The following UPF2 variants were observed in gnomAD, a reference collection of about 807,000 sequenced individuals.
UPF2 encodes the protein regulator of nonsense transcripts 2.
UPF2 carries 17 observed loss-of-function variants against 141.4 expected under a neutral mutation model. The observed-to-expected ratio is 0.12, with a 90% confidence interval of 0.08 to 0.18. UPF2 has a LOEUF of 0.18. Among genes scored for constraint, UPF2 ranks in the 10% least tolerant of loss-of-function variants. The pLI, the probability that UPF2 is intolerant of heterozygous loss-of-function variation, is 1.00. For missense variants in UPF2, 1,152 were observed against 1,515.9 expected, an observed-to-expected ratio of 0.76 and a Z score of 3.99; for synonymous variants, 540 against 498.0, an observed-to-expected ratio of 1.08 and a Z score of -1.12.
intron 8 of UPF2, among the ~76,000 whole-genome samples, chr10:11,981,485 C>A (rs1833592807): frequency 6.6e-6 from 1 of 151,996 alleles, no homozygotes; most frequent in South Asian, 2.1e-4. Context: ...TTAAAATAAA[C>A]CATATCTTTC....
At chr10:11,944,060 G>A (rs1262154769) in intron 16 of UPF2, among the ~76,000 whole-genome samples, 5 of 151,248 alleles carry the variant, frequency 3.3e-5, no homozygotes, top group African/African-American at 1.2e-4. Context: ...CTCTCACTGT[G>A]CCATGATGGC....
At position 12,019,368 on chromosome 10, in the gene UPF2, AC is replaced by A. The variant is rs1486541563; in HGVS notation, c.1146-5185del. 6.6e-6 allele frequency among the ~76,000 whole-genome samples: 1 copy of A among 152,256 alleles called. No individual in the cohort carries two copies. The highest frequency in any genetic ancestry group is 1.5e-5 in the Non-Finnish European group (1 of 68,040). On this transcript the variant is annotated intron_variant, in intron 3 of 21. Transcript: ENST00000357604. The surrounding 1 kb of genome is among the most constrained non-coding windows in gnomAD (Gnocchi z 4.5). ...ATTTTCATGCTTCCCAAAACATTCT[AC>A]TTTTGACTATTTTTCAACCATTTAA...
rs570630118 is a variant in UPF2, at chr10:12,016,422, G to A, written c.1146-2238C>T. On this transcript the variant is annotated intron_variant, in intron 3 of 21. Coordinates refer to ENST00000357604, the MANE Select transcript of UPF2 (RefSeq NM_015542.4). This position sits in a 1 kb window ranked among gnomAD's most constrained non-coding sequence, Gnocchi z 4.1. The stretch of plus-strand genomic sequence containing the variant: ...CAGAAGTAGGTTACTTAGGCTGGGC[G>A]CGGTGGCTCACGCCTGTAATCCCAG... Among the ~76,000 whole-genome samples, 29 of 151,970 alleles carry A rather than the reference G, an allele frequency of 1.9e-4. No homozygotes were observed. The highest frequency in any genetic ancestry group is 6.3e-4 in the African/African-American group (26 of 41,484).
At chr10:12,006,987 A>G (rs1408789500) in intron 4 of UPF2, among the ~76,000 whole-genome samples, 4 of 152,148 alleles carry the variant, frequency 2.6e-5, no homozygotes, top group Admixed American at 6.5e-5. Context: ...CCAGACACCA[A>G]CTTGGCTGGC....
chr10:11,930,022 T>G (rs556036322), intron 20 of UPF2, 37 bp from the exon 21 acceptor site: 2 of 1,613,782 alleles, frequency 1.2e-6, no homozygotes, highest in African/African-American at 2.7e-5. Flanking sequence ...TGCTGTTAAC[T>G]CTTAGAAATG....
At position 11,942,714 on chromosome 10, in the gene UPF2, T is replaced by C; in HGVS notation, c.3329A>G (p.Asp1110Gly). Residue 1110 changes from aspartate (D) to glycine (G), a missense_variant, in exon 18 of 22, where the codon GAT (aspartate) becomes GGT (glycine). Physicochemically the swap from Asp to Gly is moderately conservative, Grantham distance 94 (BLOSUM62 -1). This residue lies in a region of UPF2 where 202 missense variants were observed against 223.6 expected (regional missense o/e 0.90). Coordinates refer to ENST00000357604, the MANE Select transcript of UPF2 (RefSeq NM_015542.4). ...ATCCAGAGCTTGAATGAAGTCCTCA[T>C]CTTCTACACAAGGTACATGCTTAAG... ...GGLKHVPCVE[D>G]EDFIQALDKM... 6.2e-7 allele frequency: 1 copy of C among 1,614,062 alleles called. No homozygotes were observed. Among genetic ancestry groups the C allele is most frequent in the Non-Finnish European group, 8.5e-7 (1 of 1,179,982 alleles).
rs1165805123 is a variant in UPF2 at position 12,015,947 on chromosome 10, C to T, written c.1146-1763G>A. ...GTTGAAATAGTTTAACCATAATAAG[C>T]CAGGCTAAAAAGTGCTTCTCTAAAA... On this transcript the variant is annotated intron_variant, in intron 3 of 21. Transcript: ENST00000357604. Among the ~76,000 whole-genome samples the T allele has an allele frequency of 2.0e-5, 3 of 151,990 alleles. No individual in the cohort carries two copies. In the East Asian group the frequency reaches 5.8e-4, roughly 29 times the overall value.
chr10:11,991,270 AG>A (rs1368818235), intron 8 of UPF2, among the ~76,000 whole-genome samples: 1 of 152,142 alleles, frequency 6.6e-6, no homozygotes, highest in Non-Finnish European at 1.5e-5. Context: ...AGAGTAGTAG[AG>A]GGAAAAGACT....
intron 10 of UPF2, among the ~76,000 whole-genome samples, chr10:11,966,221 T>G (rs186678369): frequency 2.6e-5 from 4 of 152,340 alleles, no homozygotes; most frequent in Admixed American, 2.6e-4. Context: ...ATTCTGTATA[T>G]ACTTACTTAT....
Position 11,992,098 on chromosome 10 carries a change from C to T in UPF2, c.1844+5574G>A, listed in dbSNP as rs903400292. 4.6e-5 allele frequency among the ~76,000 whole-genome samples: 7 copies of T among 151,856 alleles called. No homozygotes were observed. The highest frequency in any genetic ancestry group is 1.5e-4 in the African/African-American group (6 of 41,318). The stretch of plus-strand genomic sequence containing the variant: ...GGCAGAGGTTGCAGTGAGCCAAGAT[C>T]GCGCCACTGCACTCCAGCATGGGCA... On this transcript the variant is annotated intron_variant, in intron 8 of 21. Coordinates refer to ENST00000357604, the MANE Select transcript of UPF2 (RefSeq NM_015542.4). The surrounding 1 kb of genome is among the most constrained non-coding windows in gnomAD (Gnocchi z 4.1).
chr10:11,936,391 C>CA lies in UPF2; in HGVS notation c.3546+153dup, dbSNP rs200222013. ...AAAAAAACAAAAACAAAAACAAAAACAAAAACAAAAAAAACTATATAAGGG... is the reference window on the plus strand; with the variant it reads ...AAAAAAACAAAAACAAAAACAAAAACAAAAAACAAAAAAAACTATATAAGGG... On this transcript the variant is annotated intron_variant, in intron 19 of 21. Coordinates refer to ENST00000357604, the MANE Select transcript of UPF2 (RefSeq NM_015542.4). The surrounding 1 kb of genome is among the most constrained non-coding windows in gnomAD (Gnocchi z 6.6). 4.7e-3 allele frequency among the ~76,000 whole-genome samples: 714 copies of CA among 151,624 alleles called. 5 individuals are homozygous for CA. Among genetic ancestry groups the CA allele is most frequent in the African/African-American group, 0.016 (663 of 41,292 alleles).
intron 21 of UPF2, among the ~76,000 whole-genome samples, chr10:11,924,062 C>T (rs1832680732): frequency 6.6e-6 from 1 of 152,122 alleles, no homozygotes; most frequent in African/African-American, 2.4e-5. Context: ...CACAGATTTT[C>T]AATACTAGTG....
intron 1 of UPF2, among the ~76,000 whole-genome samples, chr10:12,038,891 G>A (rs1306228333): frequency 2.0e-5 from 3 of 151,952 alleles, no homozygotes; most frequent in African/African-American, 4.8e-5. Context: ...TCACACTCCC[G>A]GGCTCAAGGG....
intron 21 of UPF2, among the ~76,000 whole-genome samples, chr10:11,927,302 A>G (rs1832725391): frequency 6.6e-6 from 1 of 152,264 alleles, no homozygotes; most frequent in Admixed American, 6.5e-5. Context: ...CGTGCTATTC[A>G]GAGACGTTAG....
At chr10:11,962,180 C>G (rs1205646394) in intron 11 of UPF2, among the ~76,000 whole-genome samples, 1 of 152,160 alleles carries the variant, frequency 6.6e-6, no homozygotes, top group Non-Finnish European at 1.5e-5. Flanking sequence ...AACTTTTCCC[C>G]CACACACGCA....
chr10:11,955,121 T>A (rs1256741893), intron 14 of UPF2, 111 bp downstream of exon 14: 1 of 1,032,620 alleles, frequency 9.7e-7, no homozygotes, highest in African/African-American at 1.7e-5. Flanking sequence ...AATCTAATTA[T>A]GAACATATAT....
Position 11,979,339 on chromosome 10 carries a change from T to C in UPF2, c.1845-174A>G, listed in dbSNP as rs1833556121. On this transcript the variant is annotated intron_variant, in intron 8 of 21. Transcript: ENST00000357604. This position sits in a 1 kb window ranked among gnomAD's most constrained non-coding sequence, Gnocchi z 6.2. ...AAGTGTTTGAAAATTCAATGAGCCT[T>C]CTACAATTTTATTAATATTCTGGCA... Among the ~76,000 whole-genome samples the C allele has an allele frequency of 6.6e-6, 1 of 152,236 alleles. No individual in the cohort carries two copies. Among genetic ancestry groups the C allele is most frequent in the African/African-American group, 2.4e-5 (1 of 41,462 alleles).
At chr10:12,035,750 T>G in intron 1 of UPF2, 1 of 202,704 alleles carries the variant, frequency 4.9e-6, no homozygotes. Context: ...ATTCAGCCAC[T>G]ATCAACTCCA....
At chr10:11,961,721 T>C (rs943995199) in intron 11 of UPF2, among the ~76,000 whole-genome samples, 4 of 152,182 alleles carry the variant, frequency 2.6e-5, no homozygotes, top group Admixed American at 2.0e-4. Flanking sequence ...CCTAAAACAG[T>C]GCCTGACAGA....
Sources: gnomAD v4.1 joint callset for allele counts (sites outside exome capture counted in the v4.1 genomes callset) on GRCh38, gnomAD v4.1.1 for gene constraint, gnomAD v4.1.1 regional missense constraint, Gnocchi (gnomAD v3.1) non-coding constraint, MANE v1.5 for transcripts, NCBI Gene and HGNC (gene_info 2026-07-23, HGNC 2026-07-21) for gene names.